The following COBLL1 variants were observed in gnomAD, a reference collection of about 807,000 sequenced individuals.
COBLL1 encodes the protein cordon-bleu protein-like 1.
COBLL1 carries 50 observed loss-of-function variants against 94.8 expected under a neutral mutation model. The ratio of observed to expected loss-of-function variants is 0.53; its 90% confidence interval spans 0.42 to 0.67. COBLL1 has a LOEUF of 0.67. Ranked by LOEUF, COBLL1 falls within the 30% of genes least tolerant of loss-of-function variation. COBLL1 has a pLI of 0.00. For synonymous variants in COBLL1, 448 were observed against 473.8 expected (o/e 0.95, Z 0.71); for missense variants, 1,362 against 1,348.7 (o/e 1.01, Z -0.15).
intron 2 of COBLL1, among the ~76,000 whole-genome samples, chr2:164,819,520 G>T (rs934053508): frequency 6.6e-6 from 1 of 151,868 alleles, no homozygotes; most frequent in Non-Finnish European, 1.5e-5. Flanking sequence ...ATTTGACAAC[G>T]TAAAAAAAAA....
intron 1 of COBLL1, among the ~76,000 whole-genome samples, chr2:164,672,235 T>C (rs1691253076): frequency 6.6e-6 from 1 of 152,258 alleles, no homozygotes; most frequent in African/African-American, 2.4e-5. Context: ...GGAATTTAAA[T>C]GTGACTTACT....
At chr2:164,780,691 A>G (rs1045486011) in intron 2 of COBLL1, among the ~76,000 whole-genome samples, 9 of 152,134 alleles carry the variant, frequency 5.9e-5, no homozygotes, top group African/African-American at 1.9e-4. Flanking sequence ...CAACCATTCC[A>G]CTTTTGTGTG....
chr2:164,837,940 A>T (rs554691264), intron 2 of COBLL1, among the ~76,000 whole-genome samples: 56 of 152,200 alleles, frequency 3.7e-4, no homozygotes, highest in South Asian at 2.3e-3. Context: ...TCGGCCATGC[A>T]GGAGGCTGAG....
chr2:164,818,247 T>C (rs932126119), intron 2 of COBLL1, among the ~76,000 whole-genome samples: 58 of 150,896 alleles, frequency 3.8e-4, no homozygotes, highest in Non-Finnish European at 7.0e-4. Context: ...TATGTATACA[T>C]GTGCATATAC....
At chr2:164,732,937 C>A (rs1686095534) in intron 3 of COBLL1, among the ~76,000 whole-genome samples, 1 of 152,168 alleles carries the variant, frequency 6.6e-6, no homozygotes, top group African/African-American at 2.4e-5. Flanking sequence ...TGTCTGTAGT[C>A]CCAGCTACTT....
chr2:164,735,044 C>G (rs6706945), intron 3 of COBLL1, among the ~76,000 whole-genome samples: 16,795 of 152,118 alleles, frequency 0.11, 1,200 homozygotes, highest in African/African-American at 0.21. Context: ...TTCAGGCCAG[C>G]CTTACTTAGA....
chr2:164,815,180 A>T (rs1473489584), intron 2 of COBLL1, among the ~76,000 whole-genome samples: 1 of 152,056 alleles, frequency 6.6e-6, no homozygotes, highest in Admixed American at 6.6e-5. Flanking sequence ...TGGGCAGAGC[A>T]CTTGAGGTCA....
intron 7 of COBLL1, among the ~76,000 whole-genome samples, chr2:164,719,726 A>C (rs991890344): frequency 3.9e-5 from 6 of 152,124 alleles, no homozygotes; most frequent in African/African-American, 1.4e-4. Flanking sequence ...TTCTATTTCT[A>C]AATAAGGTCA....
At position 164,691,327 on chromosome 2, in the gene COBLL1, T is replaced by G. The variant is rs558720380; in HGVS notation, c.3300+894A>C. Among the ~76,000 whole-genome samples the G allele has an allele frequency of 2.0e-5, 3 of 152,342 alleles. No individual in the cohort carries two copies. The South Asian group carries it at 6.2e-4, about 32-fold the overall frequency. ...TTTGCAGGTTTAATTTCTGTTGAGC[T>G]CAATGTTTTGCTCAACAAGTCTCTT... On this transcript the variant is annotated intron_variant, in intron 13 of 13. Transcript: ENST00000652658.
chr2:164,728,685 GA>G (rs1685837796), intron 4 of COBLL1, among the ~76,000 whole-genome samples: 1 of 151,920 alleles, frequency 6.6e-6, no homozygotes, highest in South Asian at 2.1e-4. Flanking sequence ...TAATCCATAT[GA>G]AAAGCTTAGC....
chr2:164,827,805 G>A lies in COBLL1; in HGVS notation c.41+13351C>T, dbSNP rs564434821. On this transcript the variant is annotated intron_variant, in intron 2 of 13. Transcript: ENST00000652658. Reference sequence around the variant, plus strand: ...GTAATTATTCAAATGGGGATATTTAGGTTGTAAAAAATAATATACCCTTTA... The same window carrying A: ...GTAATTATTCAAATGGGGATATTTAAGTTGTAAAAAATAATATACCCTTTA... Among the ~76,000 whole-genome samples the A allele has an allele frequency of 3.7e-4, 57 of 152,278 alleles. 1 individual carries two copies. In the South Asian group the frequency reaches 0.011, roughly 29 times the overall value.
intron 13 of COBLL1, among the ~76,000 whole-genome samples, chr2:164,689,918 T>C (rs964037226): frequency 5.3e-5 from 8 of 152,192 alleles, no homozygotes; most frequent in Admixed American, 2.6e-4. Context: ...CTGCCACTTA[T>C]GCATGCATCA....
intron 2 of COBLL1, among the ~76,000 whole-genome samples, chr2:164,660,927 T>TTATA (rs1403996406): frequency 6.6e-6 from 1 of 152,162 alleles, no homozygotes; most frequent in Non-Finnish European, 1.5e-5. Context: ...GATTTTATAG[T>TTATA]TATAGAGACT....
intron 2 of COBLL1, among the ~76,000 whole-genome samples, chr2:164,765,681 C>T (rs1687895372): frequency 6.6e-6 from 1 of 151,852 alleles, no homozygotes; most frequent in Non-Finnish European, 1.5e-5. Context: ...TTGAAAATTA[C>T]TAATGTTTTT....
intron 2 of COBLL1, chr2:164,773,654 A>C: frequency 1.3e-6 from 1 of 760,552 alleles, no homozygotes; most frequent in Non-Finnish European, 1.9e-6. Context: ...TTAAAGCAAA[A>C]GATTAGGAAA....
At chr2:164,697,688 CT>C (rs1489700732) in intron 11 of COBLL1, 2 of 152,082 alleles carry the variant, frequency 1.3e-5, no homozygotes, top group Admixed American at 6.6e-5. Flanking sequence ...ATAAGTCTCT[CT>C]TTTTCATATT....
intron 3 of COBLL1, 23 bp downstream of exon 3, chr2:164,743,664 A>G: frequency 6.3e-7 from 1 of 1,587,712 alleles, no homozygotes; most frequent in Non-Finnish European, 8.6e-7. Context: ...GGAGGTCCTG[A>G]TATTTCATTT....
In COBLL1 at chr2:164,685,629, T is replaced by C. The variant is rs1352320082; in HGVS notation, c.*317A>G. 5 of 190,054 alleles carry C rather than the reference T, an allele frequency of 2.6e-5. No homozygotes were observed. The highest frequency in any genetic ancestry group is 5.3e-5 in the Non-Finnish European group (5 of 93,722). 11.8% of individuals were successfully genotyped at this position (190,054 alleles called of 1,614,324 possible). A position where few individuals can be genotyped will look rare whatever the true frequency, so the allele number is the denominator to read the frequency against. On this transcript the variant is annotated 3_prime_UTR_variant, in exon 14 of 14. Transcript: ENST00000652658. Reference sequence around the variant, plus strand: ...CTTATACTTTTGTCTAAGTCACCATTGTAGAGAATGTGCTGGTAAGTGAAA... The same window carrying C: ...CTTATACTTTTGTCTAAGTCACCATCGTAGAGAATGTGCTGGTAAGTGAAA...
intron 2 of COBLL1, among the ~76,000 whole-genome samples, chr2:164,751,644 A>G (rs1687131766): frequency 1.3e-5 from 2 of 152,146 alleles, no homozygotes; most frequent in African/African-American, 2.4e-5. Flanking sequence ...CCCAAAGCGC[A>G]TAGAACATGG....
Sources: allele counts gnomAD v4.1 joint callset (sites outside exome capture counted in the v4.1 genomes callset), GRCh38; gene constraint gnomAD v4.1.1; transcripts MANE v1.5; gene names NCBI Gene and HGNC (gene_info 2026-07-23, HGNC 2026-07-21).